POR: variants seen among roughly 807,000 people sequenced by gnomAD.
POR encodes cytochrome p450 oxidoreductase, also known as NADPH--cytochrome P450 reductase.
Under a neutral mutation model 84.0 loss-of-function variants are expected in POR, and 56 were observed. The observed-to-expected ratio is 0.67, with a 90% CI of 0.54 to 0.83. The LOEUF (loss-of-function observed/expected upper bound fraction) is 0.83, where lower values mean the gene tolerates loss of function less well. Among genes scored for constraint, POR ranks in the 40% least tolerant of loss-of-function variants. The pLI is 0.00. For synonymous variants in POR, 414 were observed against 400.5 expected (o/e 1.03, Z -0.40); for missense variants, 938 against 944.3 (o/e 0.99, Z 0.09).
intron 12 of POR, 83 bp downstream of exon 12, chr7:75,985,290 G>A: frequency 1.4e-6 from 2 of 1,440,092 alleles, no homozygotes; most frequent in African/African-American, 2.8e-5. Context: ...CGGCACAGGA[G>A]CTCCGAGATC....
chr7:75,981,966 C>A, intron 7 of POR: 1 of 571,820 alleles, frequency 1.7e-6, no homozygotes, highest in Non-Finnish European at 3.1e-6. Flanking sequence ...GGCTTCCTTA[C>A]CTTCTCCCAG....
At position 75,982,305 on chromosome 7, in the gene POR, C is replaced by A. The variant is rs201598971; in HGVS notation, c.813C>A (p.Ser271Arg). ...TGGGGGAGATGGGCCGGCTGAAGAG[C>A]TACGAGAACCAGAAGCCGTGAGTGG... The change falls in exon 8 of 16, where the codon AGC becomes AGA. Residue 271 changes from serine to arginine, a missense_variant. Transcript: ENST00000461988. 358 of 1,611,782 alleles carry A rather than the reference C, an allele frequency of 2.2e-4. No homozygotes were observed. Among genetic ancestry groups the A allele is most frequent in the Non-Finnish European group, 2.9e-4 (341 of 1,179,184 alleles).
intron 1 of POR, among the ~76,000 whole-genome samples, chr7:75,945,919 G>A (rs2116364811): frequency 6.6e-6 from 1 of 152,278 alleles, no homozygotes; most frequent in African/African-American, 2.4e-5. Context: ...CTGTTCCAGT[G>A]TTGCAAATGG....
intron 2 of POR, among the ~76,000 whole-genome samples, chr7:75,957,602 A>C (rs1787743307): frequency 6.6e-6 from 1 of 151,932 alleles, no homozygotes; most frequent in Non-Finnish European, 1.5e-5. Flanking sequence ...TCTCGCTGTC[A>C]CCTCCCTGGC....
At chr7:75,962,066 C>T (rs117958805) in intron 2 of POR, among the ~76,000 whole-genome samples, 6 of 152,064 alleles carry the variant, frequency 3.9e-5, no homozygotes, top group Admixed American at 6.5e-5. Context: ...CATAACACAA[C>T]GCCATCTTCA....
chr7:75,982,216 C>A lies in POR; in HGVS notation c.732-8C>A. On this transcript the variant is annotated splice_region_variant and splice_polypyrimidine_tract_variant and intron_variant, in intron 7 of 15. Transcript: ENST00000461988. ...TTCCCGGCCTCACCCTTGGTCTCCC[C>A]TTTCCAGCATTCGCCAGTACGAGCT... 1 of 1,605,778 alleles carries A rather than the reference C, an allele frequency of 6.2e-7. No homozygotes were observed. The highest frequency in any genetic ancestry group is 2.2e-5 in the East Asian group (1 of 44,484).
At chr7:75,981,970 C>T in intron 7 of POR, 1 of 570,784 alleles carries the variant, frequency 1.8e-6, no homozygotes, top group African/African-American at 1.9e-5. Context: ...TCCTTACCTT[C>T]TCCCAGATGG....
chr7:75,979,754 G>T (rs551859382), intron 4 of POR, 175 bp downstream of exon 4: 55 of 861,616 alleles, frequency 6.4e-5, no homozygotes, highest in East Asian at 1.1e-4. Flanking sequence ...CTGACTGACG[G>T]AAGGGCCATT....
intron 2 of POR, among the ~76,000 whole-genome samples, chr7:75,971,694 G>C (rs1235813705): frequency 5.3e-5 from 8 of 152,146 alleles, no homozygotes; most frequent in Non-Finnish European, 1.2e-4. Context: ...GGAAGCAGAG[G>C]GGGTCTTTGA....
At chr7:75,968,720 CT>C (rs1412742356) in intron 2 of POR, among the ~76,000 whole-genome samples, 2 of 152,194 alleles carry the variant, frequency 1.3e-5, no homozygotes, top group Non-Finnish European at 2.9e-5. Flanking sequence ...CTTTTCCCCC[CT>C]GGACCACTCA....
At position 75,974,321 on chromosome 7, in the gene POR, C is replaced by T. The variant is rs116122832; in HGVS notation, c.237+1860C>T. Among the ~76,000 whole-genome samples, 673 of 152,124 alleles carry T rather than the reference C, an allele frequency of 4.4e-3. 4 individuals are homozygous for T. The highest frequency in any genetic ancestry group is 0.014 in the African/African-American group (585 of 41,490). ...TCCCCGTAGGAGTCACACCGTGGCA[C>T]GCGCTCAAGAATAGCGACGTGTGAG... is the stretch of plus-strand genomic sequence containing the variant. On this transcript the variant is annotated intron_variant, in intron 3 of 15. Transcript: ENST00000461988.
chr7:75,926,834 T>C (rs1388149569), intron 1 of POR, among the ~76,000 whole-genome samples: 1 of 152,088 alleles, frequency 6.6e-6, no homozygotes, highest in African/African-American at 2.4e-5. Flanking sequence ...ACTCATGTTA[T>C]GCAAAGTCTG....
chr7:75,955,225 C>T (rs2116428465), intron 2 of POR, among the ~76,000 whole-genome samples: 1 of 152,254 alleles, frequency 6.6e-6, no homozygotes, highest in East Asian at 1.9e-4. Context: ...TTGGACAGGC[C>T]TTATTTTGTT....
intron 1 of POR, among the ~76,000 whole-genome samples, chr7:75,939,101 C>T (rs781916624): frequency 2.6e-5 from 4 of 152,214 alleles, no homozygotes; most frequent in Admixed American, 1.3e-4. Flanking sequence ...AGGAGGACAC[C>T]TTGGGGCAAG....
intron 1 of POR, among the ~76,000 whole-genome samples, chr7:75,946,527 A>G (rs1479465074): frequency 2.6e-5 from 4 of 152,104 alleles, no homozygotes; most frequent in Non-Finnish European, 4.4e-5. Context: ...AGCTCAAGTA[A>G]TCTGCCCGCC....
intron 2 of POR, among the ~76,000 whole-genome samples, chr7:75,961,616 G>A (rs1289288853): frequency 2.0e-5 from 3 of 152,138 alleles, no homozygotes; most frequent in Non-Finnish European, 2.9e-5. Flanking sequence ...ACTCCTCGCC[G>A]GTCTTATTTC....
At position 75,986,624 on chromosome 7, in the gene POR, C is replaced by A; in HGVS notation, c.*143C>A. 2 of 1,061,976 alleles carry A rather than the reference C, an allele frequency of 1.9e-6. No homozygotes were observed. The highest frequency in any genetic ancestry group is 2.7e-6 in the Non-Finnish European group (2 of 746,962). 65.8% of individuals were successfully genotyped at this position (1,061,976 alleles called of 1,614,324 possible). A position where few individuals can be genotyped will look rare whatever the true frequency, so the allele number is the denominator to read the frequency against. ...CAAAGACTCCTCTGGGCCTGGGGTG[C>A]ATCCTCCTCAGCCCCCAGGCCAGGT... is the stretch of plus-strand genomic sequence containing the variant. On this transcript the variant is annotated 3_prime_UTR_variant, in exon 16 of 16. Transcript: ENST00000461988.
At chr7:75,975,679 G>A (rs966370428) in intron 3 of POR, among the ~76,000 whole-genome samples, 1 of 151,986 alleles carries the variant, frequency 6.6e-6, no homozygotes, top group Non-Finnish European at 1.5e-5. Flanking sequence ...GGCGCAACGT[G>A]TTCAAGGTTC....
chr7:75,947,450 A>G (rs1343534599), intron 1 of POR, among the ~76,000 whole-genome samples: 1 of 151,998 alleles, frequency 6.6e-6, no homozygotes, highest in Non-Finnish European at 1.5e-5. Context: ...TCGCAGCACC[A>G]CGCCCAGCTA....
Sources: allele counts gnomAD v4.1 joint callset (sites outside exome capture counted in the v4.1 genomes callset), GRCh38; gene constraint gnomAD v4.1.1; transcripts MANE v1.5; gene names NCBI Gene and HGNC (gene_info 2026-07-23, HGNC 2026-07-21).